PDE4D: variants seen among roughly 807,000 people sequenced by gnomAD.
PDE4D encodes phosphodiesterase 4D, also known as 3',5'-cyclic-AMP phosphodiesterase 4D.
PDE4D carries 24 observed loss-of-function variants against 87.4 expected under a neutral mutation model. The ratio of observed to expected loss-of-function variants is 0.27; its 90% confidence interval spans 0.20 to 0.39. The LOEUF (loss-of-function observed/expected upper bound fraction) is 0.39. PDE4D is among the 10% of genes least tolerant of loss of function. PDE4D has a pLI of 1.00. For missense variants in PDE4D, 714 were observed against 1,041.0 expected (o/e 0.69, Z 4.32); for synonymous variants, 384 against 383.2 (o/e 1.00, Z -0.02).
intron 1 of PDE4D, among the ~76,000 whole-genome samples, chr5:59,356,528 C>T (rs114828155): frequency 9.6e-4 from 146 of 152,222 alleles, no homozygotes; most frequent in African/African-American, 3.3e-3. Flanking sequence ...TTAAGTTTGC[C>T]ATTTAACTCT....
chr5:60,031,661 T>A (rs16890451), intron 2 of PDE4D, among the ~76,000 whole-genome samples: 1 of 152,158 alleles, frequency 6.6e-6, no homozygotes, highest in African/African-American at 2.4e-5. Flanking sequence ...CCAAAGTTTT[T>A]TACTGGAATT....
intron 1 of PDE4D, among the ~76,000 whole-genome samples, chr5:59,235,409 A>G (rs1051622142): frequency 2.0e-5 from 3 of 152,184 alleles, no homozygotes; most frequent in African/African-American, 4.8e-5. Context: ...ACCCTGGGCA[A>G]TAAGTGATGG....
chr5:60,183,037 G>C (rs562581245), intron 2 of PDE4D, among the ~76,000 whole-genome samples: 5 of 152,146 alleles, frequency 3.3e-5, no homozygotes, highest in African/African-American at 1.2e-4. Context: ...TGAAGGTGGG[G>C]CCCTAATGAT....
At chr5:59,183,745 G>T (rs1277001361) in intron 4 of PDE4D, among the ~76,000 whole-genome samples, 1 of 152,186 alleles carries the variant, frequency 6.6e-6, no homozygotes, top group African/African-American at 2.4e-5. Flanking sequence ...AACGTGATTG[G>T]TAATGAACAG....
At chr5:60,090,251 T>C (rs1399324235) in intron 2 of PDE4D, among the ~76,000 whole-genome samples, 1 of 152,116 alleles carries the variant, frequency 6.6e-6, no homozygotes, top group Non-Finnish European at 1.5e-5. Flanking sequence ...CAGGTCAGTA[T>C]CAGTGATGAA....
intron 1 of PDE4D, among the ~76,000 whole-genome samples, chr5:59,377,822 A>G (rs1784983928): frequency 6.6e-6 from 1 of 151,966 alleles, no homozygotes; most frequent in Non-Finnish European, 1.5e-5. Flanking sequence ...CAACTTATAC[A>G]CTGTTGGTGG....
intron 1 of PDE4D, among the ~76,000 whole-genome samples, chr5:59,407,211 G>C (rs1241539726): frequency 6.6e-6 from 1 of 152,086 alleles, no homozygotes; most frequent in Non-Finnish European, 1.5e-5. Flanking sequence ...TTTGTTTAAA[G>C]GTGTGTAACA....
At chr5:59,204,670 G>A (rs527916863) in intron 2 of PDE4D, among the ~76,000 whole-genome samples, 22 of 152,296 alleles carry the variant, frequency 1.4e-4, no homozygotes, top group African/African-American at 5.1e-4. Context: ...GAAAGACAGC[G>A]AAAGAGTTGA....
Position 60,460,668 on chromosome 5 carries a change from C to T in PDE4D, c.-90+27274G>A, listed in dbSNP as rs527383245. 58 of 1,088,822 alleles carry T rather than the reference C, an allele frequency of 5.3e-5. 1 individual carries two copies. The highest frequency in any genetic ancestry group is 3.0e-4 in the Admixed American group (17 of 56,158). 67.4% of individuals were successfully genotyped at this position (1,088,822 alleles called of 1,614,324 possible). A position where few individuals can be genotyped will look rare whatever the true frequency, so the allele number is the denominator to read the frequency against. ...AGCCTGCAGAGGCCAATGTCTCCTC[C>T]GGTCCCAGAGCAGGAGGCATTCTTG... On this transcript the variant is annotated intron_variant, in intron 1 of 16. Transcript: ENST00000502484.
intron 1 of PDE4D, among the ~76,000 whole-genome samples, chr5:60,373,220 T>G (rs1356760051): frequency 6.6e-6 from 1 of 152,216 alleles, no homozygotes. Flanking sequence ...AGTTAAATAT[T>G]AGGATAATTT....
At chr5:59,542,825 G>A (rs1816598134) in intron 1 of PDE4D, among the ~76,000 whole-genome samples, 1 of 152,052 alleles carries the variant, frequency 6.6e-6, no homozygotes, top group African/African-American at 2.4e-5. Context: ...AAGAAAAAAG[G>A]CAGACTACAA....
intron 5 of PDE4D, among the ~76,000 whole-genome samples, chr5:59,088,268 C>T (rs1768068935): frequency 6.6e-6 from 1 of 152,154 alleles, no homozygotes; most frequent in African/African-American, 2.4e-5. Context: ...TTCTCTTTCT[C>T]TCCTTCTCTA....
intron 1 of PDE4D, among the ~76,000 whole-genome samples, chr5:60,303,782 G>A (rs1754165196): frequency 6.6e-6 from 1 of 152,166 alleles, no homozygotes; most frequent in South Asian, 2.1e-4. Context: ...TGTTTTTAGT[G>A]GAGAATACTG....
Position 59,669,748 on chromosome 5 carries a change from T to C in PDE4D, c.455+223420A>G, listed in dbSNP as rs140009189. On this transcript the variant is annotated intron_variant, in intron 1 of 14. Transcript: ENST00000340635. The stretch of plus-strand genomic sequence containing the variant: ...AACCATAAAAACTTTCTTCTATTTC[T>C]ATTTTTTACTTTTTGCAAGACTAAA... 3.2e-3 allele frequency among the ~76,000 whole-genome samples: 485 copies of C among 152,280 alleles called. 3 individuals carry two copies. The highest frequency in any genetic ancestry group is 0.011 in the African/African-American group (447 of 41,548).
At chr5:59,593,844 C>G (rs1003970584) in intron 1 of PDE4D, among the ~76,000 whole-genome samples, 1 of 152,144 alleles carries the variant, frequency 6.6e-6, no homozygotes, top group Non-Finnish European at 1.5e-5. Context: ...TGTGTTTTAC[C>G]TCCAGGAGTG....
chr5:59,487,976 A>G (rs1251549180), intron 1 of PDE4D, among the ~76,000 whole-genome samples: 1 of 152,116 alleles, frequency 6.6e-6, no homozygotes, highest in Non-Finnish European at 1.5e-5. Flanking sequence ...CCCTCTGCAC[A>G]TCAGACACAC....
At chr5:59,114,251 C>T (rs957452117) in intron 5 of PDE4D, among the ~76,000 whole-genome samples, 1 of 151,914 alleles carries the variant, frequency 6.6e-6, no homozygotes, top group African/African-American at 2.4e-5. Flanking sequence ...TACAAGTATA[C>T]AAACATTTGG....
chr5:59,185,272 G>T lies in PDE4D; in HGVS notation c.685-10C>A, dbSNP rs763293411. 1.3e-6 allele frequency: 2 copies of T among 1,597,272 alleles called. No homozygotes were observed. The highest frequency in any genetic ancestry group is 2.2e-5 in the East Asian group (1 of 44,650). ...GCAGACTGGCCAAGACCTACAACAA[G>T]AAAGGATTCTTGAAACTTCTTGAGC... On this transcript the variant is annotated splice_polypyrimidine_tract_variant and intron_variant, in intron 3 of 14. Transcript: ENST00000340635.
At chr5:60,162,464 T>G (rs1782543835) in intron 2 of PDE4D, among the ~76,000 whole-genome samples, 2 of 152,184 alleles carry the variant, frequency 1.3e-5, no homozygotes, top group Admixed American at 1.3e-4. Context: ...GCTTTGTTGT[T>G]ACATCATTTG....
Sources: allele counts gnomAD v4.1 joint callset (sites outside exome capture counted in the v4.1 genomes callset), GRCh38; gene constraint gnomAD v4.1.1; transcripts MANE v1.5; gene names NCBI Gene and HGNC (gene_info 2026-07-23, HGNC 2026-07-21).